SH3PXD2A: variants seen among roughly 807,000 people sequenced by gnomAD.
The protein encoded by SH3PXD2A is SH3 and PX domains 2A, also known as SH3 and PX domain-containing protein 2A.
SH3PXD2A carries 32 observed loss-of-function variants against 115.2 expected under a neutral mutation model. The ratio of observed to expected loss-of-function variants is 0.28; its 90% CI spans 0.21 to 0.37. SH3PXD2A has a LOEUF of 0.37. Ranked by LOEUF, SH3PXD2A falls within the 10% of genes least tolerant of loss-of-function variation. The pLI is 1.00. For missense variants in SH3PXD2A, 1,328 were observed against 1,498.7 expected (o/e 0.89, Z 1.88); for synonymous variants, 610 against 629.1 (o/e 0.97, Z 0.45).
At chr10:103,755,028 A>T (rs887468244) in intron 3 of SH3PXD2A, 1 of 152,226 alleles carries the variant, frequency 6.6e-6, no homozygotes, top group Non-Finnish European at 1.5e-5. Context: ...GGTGACTTAC[A>T]GATCTTGGGG....
chr10:103,613,760 T>G (rs1477008544), intron 11 of SH3PXD2A, among the ~76,000 whole-genome samples: 2 of 152,158 alleles, frequency 1.3e-5, no homozygotes, highest in Non-Finnish European at 2.9e-5. Flanking sequence ...CTGCTAAAAA[T>G]GTACCCAGAA....
chr10:103,609,003 A>C (rs12255953), intron 13 of SH3PXD2A: 15,670 of 151,788 alleles, frequency 0.1, 925 homozygotes, highest in East Asian at 0.21. Context: ...CACACACACA[A>C]AAATTAGGTG....
intron 2 of SH3PXD2A, among the ~76,000 whole-genome samples, chr10:103,772,898 T>C (rs1339504176): frequency 1.3e-5 from 2 of 152,272 alleles, no homozygotes; most frequent in East Asian, 3.9e-4. Context: ...AAAAAGCTGG[T>C]GGCTTTCCTG....
chr10:103,634,190 T>C (rs1192072519), intron 8 of SH3PXD2A, among the ~76,000 whole-genome samples: 1 of 152,172 alleles, frequency 6.6e-6, no homozygotes, highest in East Asian at 1.9e-4. Flanking sequence ...AGGACTTACA[T>C]GGAAGGCTTC....
chr10:103,728,021 A>C (rs765777147), intron 4 of SH3PXD2A, among the ~76,000 whole-genome samples: 3 of 152,238 alleles, frequency 2.0e-5, no homozygotes, highest in Non-Finnish European at 4.4e-5. Context: ...GGGCCAGATA[A>C]TGGGCATATC....
chr10:103,617,696 G>C (rs1199732309), intron 10 of SH3PXD2A, among the ~76,000 whole-genome samples: 1 of 152,212 alleles, frequency 6.6e-6, no homozygotes, highest in Non-Finnish European at 1.5e-5. Context: ...CTCATGAGGT[G>C]TCCTTGCATG....
At chr10:103,845,347 A>AAAG (rs1246310691) in intron 1 of SH3PXD2A, among the ~76,000 whole-genome samples, 4 of 6,160 alleles carry the variant, frequency 6.5e-4, no homozygotes, top group East Asian at 0.067. Flanking sequence ...AAAAAAAAAG[A>AAAG]AAAAAGAAAA....
chr10:103,655,748 G>C (rs2037201451), intron 8 of SH3PXD2A, among the ~76,000 whole-genome samples: 1 of 144,540 alleles, frequency 6.9e-6, no homozygotes, highest in Non-Finnish European at 1.5e-5. Flanking sequence ...ACTCCAGCCT[G>C]GGTGACAGAG....
chr10:103,854,050 G>A (rs1273697497), intron 1 of SH3PXD2A, among the ~76,000 whole-genome samples: 3 of 152,098 alleles, frequency 2.0e-5, no homozygotes, highest in Non-Finnish European at 4.4e-5. Flanking sequence ...GAGCCCAGCC[G>A]CATTTGCTCA....
intron 2 of SH3PXD2A, among the ~76,000 whole-genome samples, chr10:103,771,265 G>A (rs780397708): frequency 5.6e-4 from 86 of 152,322 alleles, no homozygotes; most frequent in Non-Finnish European, 1.1e-3. Flanking sequence ...GCTCTGACAT[G>A]CATATGTTCT....
intron 6 of SH3PXD2A, among the ~76,000 whole-genome samples, chr10:103,684,687 C>T (rs992410608): frequency 1.3e-5 from 2 of 152,000 alleles, no homozygotes; most frequent in Admixed American, 6.6e-5. Context: ...AACTTATGGG[C>T]GGGTCTTGCT....
At chr10:103,706,790 C>T (rs1285699829) in intron 5 of SH3PXD2A, among the ~76,000 whole-genome samples, 2 of 151,540 alleles carry the variant, frequency 1.3e-5, no homozygotes, top group Non-Finnish European at 2.9e-5. Flanking sequence ...TGCATCTCTG[C>T]TCTCCCCTCC....
At chr10:103,820,918 C>A (rs2039373208) in intron 1 of SH3PXD2A, among the ~76,000 whole-genome samples, 1 of 152,150 alleles carries the variant, frequency 6.6e-6, no homozygotes, top group African/African-American at 2.4e-5. Flanking sequence ...ATGTGTACAG[C>A]CAAAACCAAT....
chr10:103,853,550 C>T (rs557722888), intron 1 of SH3PXD2A, among the ~76,000 whole-genome samples: 1 of 152,364 alleles, frequency 6.6e-6, no homozygotes, highest in African/African-American at 2.4e-5. Flanking sequence ...GCAAGACCGT[C>T]TAACTTCAGA....
At chr10:103,630,950 C>T (rs2036770855) in intron 8 of SH3PXD2A, among the ~76,000 whole-genome samples, 2 of 152,050 alleles carry the variant, frequency 1.3e-5, no homozygotes, top group Admixed American at 6.5e-5. Flanking sequence ...ATTCCGAGAC[C>T]CCCAGTGGAT....
chr10:103,621,949 C>T (rs527260576), intron 10 of SH3PXD2A, among the ~76,000 whole-genome samples: 1 of 152,338 alleles, frequency 6.6e-6, no homozygotes, highest in Admixed American at 6.5e-5. Flanking sequence ...GCTTTGCTCC[C>T]TTTCTAGTTT....
At chr10:103,690,108 A>C (rs932908161) in intron 6 of SH3PXD2A, among the ~76,000 whole-genome samples, 6 of 152,162 alleles carry the variant, frequency 3.9e-5, no homozygotes, top group African/African-American at 1.4e-4. Context: ...TCGGAGCCTC[A>C]GCTTCTCATT....
At chr10:103,768,470 G>A (rs1251060547) in intron 2 of SH3PXD2A, among the ~76,000 whole-genome samples, 1 of 152,224 alleles carries the variant, frequency 6.6e-6, no homozygotes, top group Non-Finnish European at 1.5e-5. Context: ...GAGTGAGCCA[G>A]GATGAGAGGG....
intron 2 of SH3PXD2A, among the ~76,000 whole-genome samples, chr10:103,787,937 G>A (rs1399007872): frequency 2.6e-5 from 4 of 152,150 alleles, no homozygotes; most frequent in African/African-American, 4.8e-5. Flanking sequence ...TCCATAATTA[G>A]CAGATAGAGC....
Sources: gnomAD v4.1 joint callset for allele counts (sites outside exome capture counted in the v4.1 genomes callset) on GRCh38, gnomAD v4.1.1 for gene constraint, MANE v1.5 for transcripts, NCBI Gene and HGNC (gene_info 2026-07-23, HGNC 2026-07-21) for gene names.